The following CSMD1 variants were observed in gnomAD, a reference collection of about 807,000 sequenced individuals.
CSMD1 encodes CUB and sushi domain-containing protein 1.
Under a neutral mutation model 417.5 loss-of-function variants are expected in CSMD1, and 213 were observed. The ratio of observed to expected loss-of-function variants is 0.51; its 90% confidence interval spans 0.46 to 0.57. The LOEUF (loss-of-function observed/expected upper bound fraction) is 0.57, where lower values mean the gene tolerates loss of function less well. CSMD1 is among the 20% of genes least tolerant of loss of function. The pLI, the probability that CSMD1 is intolerant of heterozygous loss-of-function variation, is 0.00. For missense variants in CSMD1, 6,923 were observed against 4,529.7 expected, an observed-to-expected ratio of 1.53 and a Z score of -15.17; for synonymous variants, 2,862 against 1,736.8, an observed-to-expected ratio of 1.65 and a Z score of -16.11.
rs375370262 is a variant in CSMD1, at chr8:3,232,996, A to T, written c.4154-2765T>A. The stretch of plus-strand genomic sequence containing the variant: ...TTGTCCATTTGTTTTTATAAACCTC[A>T]TACATTAAATATTATTGTTTGACAT... On this transcript the variant is annotated intron_variant, in intron 26 of 69. Transcript: ENST00000635120. 2.6e-5 allele frequency among the ~76,000 whole-genome samples: 4 copies of T among 152,190 alleles called. No homozygotes were observed. The East Asian group carries it at 5.8e-4, about 22-fold the overall frequency.
At chr8:4,984,386 G>C (rs544775200) in intron 1 of CSMD1, among the ~76,000 whole-genome samples, 1 of 152,318 alleles carries the variant, frequency 6.6e-6, no homozygotes, top group South Asian at 2.1e-4. Flanking sequence ...TGACAGTAGT[G>C]TACGCTTCCG....
At chr8:4,824,842 A>G (rs1199898286) in intron 1 of CSMD1, among the ~76,000 whole-genome samples, 2 of 152,128 alleles carry the variant, frequency 1.3e-5, no homozygotes, top group African/African-American at 4.8e-5. Context: ...TTAAGAAACA[A>G]TCTGTATCTC....
In CSMD1 at chr8:3,408,182, C is replaced by G. The variant is rs762050459; in HGVS notation, c.1788G>C (p.Leu596=). The G allele has an allele frequency of 6.2e-7, 1 of 1,611,444 alleles. No homozygotes were observed. Among genetic ancestry groups the G allele is most frequent in the Non-Finnish European group, 8.5e-7 (1 of 1,178,660 alleles). Residue 596 remains leucine (L), a synonymous_variant, in exon 14 of 70, where the codon CTG becomes CTC. Coordinates refer to ENST00000635120, the MANE Select transcript of CSMD1 (RefSeq NM_033225.6). ...CATATTCCTCTGGATAATTTGGTGA[C>G]AGAATAATCCCAGATGATGCCGTAA... is the stretch of plus-strand genomic sequence containing the variant. ...FNFTASSGII[L]SPNYPEEYGN...
chr8:3,339,227 G>C (rs555308174), intron 23 of CSMD1, among the ~76,000 whole-genome samples: 3 of 151,910 alleles, frequency 2.0e-5, no homozygotes, highest in Non-Finnish European at 4.4e-5. Context: ...TCTTGATCCA[G>C]CCTTTCAGTG....
At chr8:3,907,130 C>T (rs1410312218) in intron 5 of CSMD1, among the ~76,000 whole-genome samples, 1 of 152,156 alleles carries the variant, frequency 6.6e-6, no homozygotes, top group African/African-American at 2.4e-5. Flanking sequence ...TATTCATAAA[C>T]ATTACTTTTC....
intron 1 of CSMD1, among the ~76,000 whole-genome samples, chr8:4,672,541 T>G (rs1043814832): frequency 6.6e-6 from 1 of 152,244 alleles, no homozygotes. Context: ...GCACCTATAA[T>G]GTAAACAACC....
chr8:3,940,269 C>G (rs1180381293), intron 5 of CSMD1, among the ~76,000 whole-genome samples: 1 of 151,950 alleles, frequency 6.6e-6, no homozygotes, highest in Admixed American at 6.6e-5. Flanking sequence ...TCTGAAATAT[C>G]TATTAATGAT....
intron 4 of CSMD1, among the ~76,000 whole-genome samples, chr8:4,008,853 G>C (rs772658180): frequency 2.0e-5 from 3 of 151,668 alleles, no homozygotes; most frequent in African/African-American, 7.3e-5. Flanking sequence ...CTCCTGATCC[G>C]TCCGCCTCGG....
At chr8:4,190,021 G>C (rs894498786) in intron 3 of CSMD1, among the ~76,000 whole-genome samples, 2 of 151,792 alleles carry the variant, frequency 1.3e-5, no homozygotes, top group African/African-American at 2.4e-5. Context: ...CACTTTGGGA[G>C]GCCAAGGCAG....
At chr8:4,927,068 G>C (rs1175369679) in intron 1 of CSMD1, among the ~76,000 whole-genome samples, 2 of 148,220 alleles carry the variant, frequency 1.3e-5, no homozygotes, top group African/African-American at 4.9e-5. Flanking sequence ...AAATAGGGCT[G>C]TGTTATTTGC....
chr8:3,094,420 T>C (rs2129009659), intron 47 of CSMD1, among the ~76,000 whole-genome samples: 1 of 152,278 alleles, frequency 6.6e-6, no homozygotes, highest in South Asian at 2.1e-4. Context: ...TAGGTATTCT[T>C]AATCCAGCAT....
intron 2 of CSMD1, among the ~76,000 whole-genome samples, chr8:4,457,237 T>A (rs1799543317): frequency 2.6e-5 from 4 of 152,162 alleles, no homozygotes; most frequent in African/African-American, 9.7e-5. Flanking sequence ...TTTCCCATTC[T>A]CAACCAAGTG....
intron 3 of CSMD1, among the ~76,000 whole-genome samples, chr8:4,287,112 C>T (rs372598992): frequency 2.0e-5 from 3 of 152,138 alleles, no homozygotes; most frequent in Middle Eastern, 3.2e-3. Context: ...ACAAAACAAA[C>T]AAGGGTTCTT....
chr8:4,767,641 T>A (rs1005474279), intron 1 of CSMD1, among the ~76,000 whole-genome samples: 7 of 152,212 alleles, frequency 4.6e-5, no homozygotes, highest in Non-Finnish European at 1.0e-4. Context: ...CTTCTTCGTC[T>A]TTCGTTATTC....
At position 4,171,961 on chromosome 8, in the gene CSMD1, G is replaced by T. The variant is rs529360423; in HGVS notation, c.416-139862C>A. On this transcript the variant is annotated intron_variant, in intron 3 of 69. Transcript: ENST00000635120. ...GATTTTGTGTTCTTTCTTGCATAAT[G>T]TAATAATCAGCATCCTTCATTTGAA... Among the ~76,000 whole-genome samples the T allele has an allele frequency of 2.1e-4, 32 of 152,242 alleles. 1 individual carries two copies. Among genetic ancestry groups the T allele is most frequent in the African/African-American group, 6.7e-4 (28 of 41,520 alleles).
chr8:4,086,344 C>T (rs948612249), intron 3 of CSMD1, among the ~76,000 whole-genome samples: 1 of 152,150 alleles, frequency 6.6e-6, no homozygotes, highest in East Asian at 1.9e-4. Context: ...AGCACTAATT[C>T]TTTAATACTG....
chr8:3,167,274 A>C (rs1411636934), intron 37 of CSMD1, among the ~76,000 whole-genome samples: 5 of 141,814 alleles, frequency 3.5e-5, no homozygotes, highest in Non-Finnish European at 7.6e-5. Context: ...ACAGAGCAAG[A>C]CTCCAACTTG....
rs1187343422 is a variant in CSMD1, at chr8:3,572,772, A to G, written c.1344+2173T>C. On this transcript the variant is annotated intron_variant, in intron 10 of 69. Coordinates refer to ENST00000635120, the MANE Select transcript of CSMD1 (RefSeq NM_033225.6). The stretch of plus-strand genomic sequence containing the variant: ...TGCTTTTATTTGAGCCCCTATGGAA[A>G]TGCATGTAATCTATTTACTCTTAAC... 2.0e-5 allele frequency among the ~76,000 whole-genome samples: 3 copies of G among 152,254 alleles called. No homozygotes were observed. The East Asian group carries it at 5.8e-4, about 29-fold the overall frequency.
intron 10 of CSMD1, among the ~76,000 whole-genome samples, chr8:3,554,818 T>C (rs1444712035): frequency 6.6e-6 from 1 of 152,098 alleles, no homozygotes; most frequent in African/African-American, 2.4e-5. Context: ...TCAAGTGAGC[T>C]GGGTCTGGGC....
Sources: gnomAD v4.1 joint callset for allele counts (sites outside exome capture counted in the v4.1 genomes callset) on GRCh38, gnomAD v4.1.1 for gene constraint, MANE v1.5 for transcripts, NCBI Gene and HGNC (gene_info 2026-07-23, HGNC 2026-07-21) for gene names.